The following USP31 variants were observed in gnomAD, a reference collection of about 807,000 sequenced individuals.
The protein encoded by USP31 is ubiquitin specific peptidase 31.
A neutral mutation model predicts 119.4 loss-of-function variants in USP31; 44 were observed. That is an observed-to-expected ratio of 0.37 (90% CI 0.29 to 0.47). The LOEUF (loss-of-function observed/expected upper bound fraction) is 0.47. Ranked by LOEUF, USP31 falls within the 20% of genes least tolerant of loss-of-function variation. The probability of loss-of-function intolerance (pLI) is 0.99; values close to 1 mark genes in which losing one functional copy is unlikely to be tolerated. For synonymous variants in USP31, 749 were observed against 705.6 expected (o/e 1.06, Z -0.97); for missense variants, 1,643 against 1,730.2 (o/e 0.95, Z 0.89).
intron 7 of USP31, among the ~76,000 whole-genome samples, chr16:23,088,400 C>T (rs1252474817): frequency 6.6e-6 from 1 of 152,172 alleles, no homozygotes; most frequent in Non-Finnish European, 1.5e-5. Flanking sequence ...TGCCCAAGTC[C>T]AGCCCCCGGA....
Position 23,069,541 on chromosome 16 carries a change from G to A in USP31, c.2564C>T (p.Pro855Leu). Residue 855 changes from proline to leucine, a missense_variant, in exon 16 of 16, where the codon CCC becomes CTC. By Grantham distance (98) the Pro-to-Leu change is moderately conservative. This residue lies in a region of USP31 where 699 missense variants were observed against 650.9 expected (regional missense o/e 1.07). Transcript: ENST00000219689. ...SLSSRSSVTS[P>L]LAVNENCMRP... Reference sequence around the variant, plus strand: ...CATGCAATTTTCATTGACGGCCAAGGGGCTGGTGACAGAAGATCTGGATGA... The same window carrying A: ...CATGCAATTTTCATTGACGGCCAAGAGGCTGGTGACAGAAGATCTGGATGA... 3.1e-6 allele frequency: 5 copies of A among 1,614,116 alleles called. No homozygotes were observed. Among genetic ancestry groups the A allele is most frequent in the Non-Finnish European group, 4.2e-6 (5 of 1,179,960 alleles).
At chr16:23,142,491 C>T (rs968689428) in intron 1 of USP31, among the ~76,000 whole-genome samples, 1 of 152,192 alleles carries the variant, frequency 6.6e-6, no homozygotes, top group African/African-American at 2.4e-5. Flanking sequence ...TGAGACCTGT[C>T]GTTTCATTGC....
intron 1 of USP31, among the ~76,000 whole-genome samples, chr16:23,134,195 T>C (rs1309416486): frequency 3.9e-5 from 6 of 151,934 alleles, no homozygotes; most frequent in African/African-American, 1.5e-4. Flanking sequence ...TTAAGTAGCA[T>C]GAGAAAGAAG....
chr16:23,069,444 C>T lies in USP31; in HGVS notation c.2661G>A (p.Ser887=), dbSNP rs577614979. Residue 887 remains serine (S), a synonymous_variant, in exon 16 of 16, where the codon TCG becomes TCA. Coordinates refer to ENST00000219689, the MANE Select transcript of USP31 (RefSeq NM_020718.4). The part of the protein sequence containing the change: ...SNSPSRFSGD[S]PIHSSASTLE... ...AGGTGGAAGCAGAGCTGTGAATTGG[C>T]GAATCCCCTGAAAATCGGGATGGAG... 2.5e-6 allele frequency: 4 copies of T among 1,614,096 alleles called. No homozygotes were observed. The highest frequency in any genetic ancestry group is 1.3e-5 in the African/African-American group (1 of 75,038).
At chr16:23,115,296 C>A (rs1902454028) in intron 1 of USP31, among the ~76,000 whole-genome samples, 1 of 152,094 alleles carries the variant, frequency 6.6e-6, no homozygotes, top group Non-Finnish European at 1.5e-5. Context: ...AGTTGATTAT[C>A]AATGTCCTCT....
Position 23,085,604 on chromosome 16 carries a change from C to T in USP31, c.1681G>A (p.Asp561Asn), listed in dbSNP as rs747031000. 12 of 1,613,846 alleles carry T rather than the reference C, an allele frequency of 7.4e-6. No homozygotes were observed. The highest frequency in any genetic ancestry group is 1.0e-5 in the Non-Finnish European group (12 of 1,179,944). The change falls in exon 10 of 16, where the codon GAC becomes AAC. Residue 561 changes from aspartate (D) to asparagine (N), a missense_variant. Physicochemically the swap from Asp to Asn is conservative, Grantham distance 23 (BLOSUM62 1). Around this residue, in one of 5 missense-constraint regions of USP31, gnomAD observed 279 missense variants for 372.2 expected, o/e 0.75. Coordinates refer to ENST00000219689, the MANE Select transcript of USP31 (RefSeq NM_020718.4). ...TAHVKLVVEW[D>N]KETRDFLFVN... ...ACTCACAAATCTCTTGTCTCCTTGT[C>T]CCACTCGACTACTAATTTCACATGA...
At position 23,149,446 on chromosome 16, in the gene USP31, C is replaced by T. The variant is rs1448875240; in HGVS notation, c.-176G>A. ...CGGCGGCCGGCGGGGCCAGCGGGCG[C>T]GCGCGCGGTCCGCCCAGCTGAGCCG... is the stretch of plus-strand genomic sequence containing the variant. On this transcript the variant is annotated 5_prime_UTR_variant, in exon 1 of 16. Coordinates refer to ENST00000219689, the MANE Select transcript of USP31 (RefSeq NM_020718.4). 6.7e-6 allele frequency among the ~76,000 whole-genome samples: 1 copy of T among 148,436 alleles called. No homozygotes were observed. The highest frequency in any genetic ancestry group is 1.5e-5 in the Non-Finnish European group (1 of 66,432).
intron 1 of USP31, among the ~76,000 whole-genome samples, chr16:23,146,963 GT>G (rs1157740536): frequency 1.6e-5 from 2 of 124,422 alleles, no homozygotes; most frequent in African/African-American, 2.9e-5. Context: ...AGCTTGTTCT[GT>G]TTAAAAAAAA....
At chr16:23,101,273 A>C (rs1374141843) in intron 6 of USP31, among the ~76,000 whole-genome samples, 1 of 150,540 alleles carries the variant, frequency 6.6e-6, no homozygotes, top group Non-Finnish European at 1.5e-5. Context: ...AGAATTTTGA[A>C]GGAGAAGTTA....
chr16:23,110,484 C>A (rs1902272185), intron 1 of USP31, among the ~76,000 whole-genome samples: 2 of 152,090 alleles, frequency 1.3e-5, no homozygotes, highest in Non-Finnish European at 2.9e-5. Context: ...GTCTATTAGA[C>A]AGAATGGGAG....
intron 14 of USP31, among the ~76,000 whole-genome samples, chr16:23,072,971 G>C (rs566831591): frequency 4.1e-4 from 62 of 152,082 alleles, no homozygotes; most frequent in African/African-American, 1.4e-3. Flanking sequence ...CCCCCTGCAA[G>C]CTTCAAGAGA....
In USP31 at chr16:23,064,537, G is replaced by C. The variant is rs1899989486; in HGVS notation, c.*3509C>G. Reference sequence around the variant, plus strand: ...ATGGATTTTCAACCCCTAAATAGTAGAGACAGCTCAGTCTGAAAAGGTGGA... The same window carrying C: ...ATGGATTTTCAACCCCTAAATAGTACAGACAGCTCAGTCTGAAAAGGTGGA... On this transcript the variant is annotated 3_prime_UTR_variant, in exon 16 of 16. Coordinates refer to ENST00000219689, the MANE Select transcript of USP31 (RefSeq NM_020718.4). 6.6e-6 allele frequency: 1 copy of C among 152,172 alleles called. No individual in the cohort carries two copies. The highest frequency in any genetic ancestry group is 2.4e-5 in the African/African-American group (1 of 41,438). 9.4% of individuals were successfully genotyped at this position (152,172 alleles called of 1,614,324 possible). A position where few individuals can be genotyped will look rare whatever the true frequency, so the allele number is the denominator to read the frequency against.
intron 1 of USP31, among the ~76,000 whole-genome samples, chr16:23,127,810 T>C (rs1344305497): frequency 6.6e-6 from 1 of 152,142 alleles, no homozygotes; most frequent in African/African-American, 2.4e-5. Flanking sequence ...TATCCAGTGA[T>C]GACAAAACCA....
chr16:23,133,641 G>GT (rs1281594186), intron 1 of USP31, among the ~76,000 whole-genome samples: 2 of 152,140 alleles, frequency 1.3e-5, no homozygotes, highest in Non-Finnish European at 2.9e-5. Flanking sequence ...TTCTTCCTCA[G>GT]TTATCGGTCA....
chr16:23,068,391 G>T lies in USP31; in HGVS notation c.3714C>A (p.Thr1238=). 6.2e-7 allele frequency: 1 copy of T among 1,613,974 alleles called. No individual in the cohort carries two copies. The highest frequency in any genetic ancestry group is 8.5e-7 in the Non-Finnish European group (1 of 1,180,042). Residue 1238 remains threonine (T), a synonymous_variant, in exon 16 of 16, where the codon ACC becomes ACA. Transcript: ENST00000219689. ...FFKSALRQKE[T]RRSTDLGKTA... Reference sequence around the variant, plus strand: ...TCTTGCCAAGATCCGTCGAGCGCCGGGTTTCCTTCTGTCTCAAGGCTGATT... The same window carrying T: ...TCTTGCCAAGATCCGTCGAGCGCCGTGTTTCCTTCTGTCTCAAGGCTGATT...
chr16:23,136,384 G>A (rs193068875), intron 1 of USP31, among the ~76,000 whole-genome samples: 6 of 152,290 alleles, frequency 3.9e-5, no homozygotes, highest in South Asian at 2.1e-4. Context: ...TGGGCACGGC[G>A]GCTCACACCT....
intron 11 of USP31, among the ~76,000 whole-genome samples, chr16:23,083,965 G>T (rs1242233560): frequency 6.6e-6 from 1 of 152,110 alleles, no homozygotes; most frequent in Admixed American, 6.6e-5. Context: ...AGAAAACATG[G>T]TCTATCTCTG....
intron 1 of USP31, among the ~76,000 whole-genome samples, chr16:23,116,701 T>C (rs1902495281): frequency 6.6e-6 from 1 of 152,160 alleles, no homozygotes; most frequent in Non-Finnish European, 1.5e-5. Flanking sequence ...GGCTTTCATA[T>C]GTACTTCCCC....
Position 23,106,353 on chromosome 16 carries a change from G to A in USP31, c.860+46C>T, listed in dbSNP as rs193198411. ...GCTTGACATTAAAATCACCCAGAAC[G>A]ATGTCAGGTAAACAAAATAAGTGGA... On this transcript the variant is annotated intron_variant, in intron 3 of 15. Coordinates refer to ENST00000219689, the MANE Select transcript of USP31 (RefSeq NM_020718.4). 13 of 1,613,116 alleles carry A rather than the reference G, an allele frequency of 8.1e-6. No individual in the cohort carries two copies. In the Middle Eastern group the frequency reaches 4.9e-4, roughly 61 times the overall value.
Sources: allele counts gnomAD v4.1 joint callset (sites outside exome capture counted in the v4.1 genomes callset), GRCh38; gene constraint gnomAD v4.1.1; regional missense constraint gnomAD v4.1.1; transcripts MANE v1.5; gene names NCBI Gene and HGNC (gene_info 2026-07-23, HGNC 2026-07-21).